LINC00632: variants seen among roughly 807,000 people sequenced by gnomAD.
The protein encoded by LINC00632 is ALDOA related specific transcript.
intron 2 of LINC00632, chrX:140,716,367 T>C (rs1930628789): frequency 9.0e-6 from 1 of 111,641 alleles, no homozygotes; most frequent in Non-Finnish European, 1.9e-5. Flanking sequence ...AAAGAGTTGT[T>C]GTGAGTAATA....
chrX:140,727,593 G>A (rs1002588821), intron 2 of LINC00632, among the ~76,000 whole-genome samples: 8 of 111,030 alleles, frequency 7.2e-5, no homozygotes, highest in African/African-American at 2.6e-4. Flanking sequence ...ACGCCCGACC[G>A]TGAACAATTT....
intron 3 of LINC00632, among the ~76,000 whole-genome samples, chrX:140,749,808 T>C (rs770952636): frequency 5.7e-4 from 63 of 110,464 alleles, no homozygotes; most frequent in Non-Finnish European, 5.7e-4. Context: ...GCTGCCTGAG[T>C]AATTGGGACC....
At chrX:140,778,388 C>T (rs1372954465) in exon 5 of LINC00632, among the ~76,000 whole-genome samples, 2 of 111,580 alleles carry the variant, frequency 1.8e-5, no homozygotes, top group Admixed American at 9.5e-5. Flanking sequence ...GGGCAGATCA[C>T]GAGGTCAAGA....
chrX:140,785,659 T>C (rs908186640), exon 5 of LINC00632, among the ~76,000 whole-genome samples: 1 of 112,185 alleles, frequency 8.9e-6, no homozygotes, highest in African/African-American at 3.2e-5. Context: ...GACCTGTATA[T>C]GGAAGTAGGT....
At chrX:140,746,254 A>C (rs1023393429) in intron 3 of LINC00632, among the ~76,000 whole-genome samples, 1 of 111,742 alleles carries the variant, frequency 8.9e-6, no homozygotes, top group African/African-American at 3.2e-5. Context: ...TTTTGTGGTG[A>C]AACATTTAAA....
chrX:140,747,492 T>C (rs1187049124), intron 3 of LINC00632, among the ~76,000 whole-genome samples: 1 of 97,619 alleles, frequency 1.0e-5, no homozygotes, highest in African/African-American at 3.7e-5. Context: ...ATCGCGCCAT[T>C]GCACTCCAGC....
intron 2 of LINC00632, among the ~76,000 whole-genome samples, chrX:140,720,191 A>G (rs1930705450): frequency 9.0e-6 from 1 of 111,238 alleles, no homozygotes; most frequent in Non-Finnish European, 1.9e-5. Context: ...CTTACAACAC[A>G]TGGAACTACA....
chrX:140,784,603 C>T (rs1294632931), exon 5 of LINC00632: 7 of 444,657 alleles, frequency 1.6e-5, no homozygotes, highest in East Asian at 3.8e-5. Context: ...TGTCTTCCAA[C>T]GTCTCCAGTG....
At chrX:140,753,965 G>A (rs1323745889) in intron 3 of LINC00632, among the ~76,000 whole-genome samples, 1 of 109,838 alleles carries the variant, frequency 9.1e-6, no homozygotes, top group African/African-American at 3.3e-5. Flanking sequence ...TAGTAGAGAT[G>A]GGGTTTCACC....
rs752596283 is a variant in LINC00632 at position 140,753,768 on chromosome X, C to CTTTTTTTTTTTTTTTT, written n.192-18300_192-18285dup. Among the ~76,000 whole-genome samples the CTTTTTTTTTTTTTTTT allele has an allele frequency of 2.6e-4, 13 of 49,727 alleles. 1 individual carries two copies. The highest frequency in any genetic ancestry group is 4.9e-4 in the African/African-American group (5 of 10,292). The allele number at this position is 49,727 out of a possible 115,157, so 43.2% of individuals were successfully genotyped here. On this transcript the variant is annotated intron_variant and non_coding_transcript_variant, in intron 3 of 4. Transcript: ENST00000648200. ...TTTCTTTTCTTTTCTTTCTTTCTTT[C>CTTTTTTTTTTTTTTTT]TTTTTTTTTTTTTTTTTTTTTTTTT...
At chrX:140,721,474 C>T (rs1267386182) in intron 2 of LINC00632, among the ~76,000 whole-genome samples, 1 of 111,284 alleles carries the variant, frequency 9.0e-6, no homozygotes, top group Non-Finnish European at 1.9e-5. Context: ...AAGGAGTGCA[C>T]AACCCTGATC....
intron 3 of LINC00632, among the ~76,000 whole-genome samples, chrX:140,771,687 T>A (rs866266693): frequency 0.041 from 1,978 of 48,318 alleles, 83 homozygotes; most frequent in Non-Finnish European, 0.062. Flanking sequence ...ATATATATAT[T>A]TTTTTTTTTT....
intron 2 of LINC00632, among the ~76,000 whole-genome samples, chrX:140,726,298 G>A (rs1271902286): frequency 4.5e-5 from 5 of 110,619 alleles, no homozygotes; most frequent in Non-Finnish European, 9.4e-5. Context: ...CCAACACATG[G>A]ACACACCCAA....
At chrX:140,753,243 A>G (rs1931436570) in intron 3 of LINC00632, among the ~76,000 whole-genome samples, 1 of 112,311 alleles carries the variant, frequency 8.9e-6, no homozygotes, top group Non-Finnish European at 1.9e-5. Flanking sequence ...AGTCTATGCT[A>G]CTAATTATCA....
chrX:140,719,378 G>T (rs897681136), intron 2 of LINC00632, among the ~76,000 whole-genome samples: 1 of 109,606 alleles, frequency 9.1e-6, no homozygotes, highest in African/African-American at 3.3e-5. Flanking sequence ...AGATCACTGC[G>T]ACCTCTGCCT....
At chrX:140,776,483 C>T (rs1362019801) in exon 5 of LINC00632, among the ~76,000 whole-genome samples, 1 of 113,072 alleles carries the variant, frequency 8.8e-6, no homozygotes, top group African/African-American at 3.2e-5. Context: ...GCGCGTCCGG[C>T]GCTGTCCCTC....
exon 5 of LINC00632, among the ~76,000 whole-genome samples, chrX:140,779,147 G>A (rs1199898435): frequency 9.0e-6 from 1 of 111,267 alleles, no homozygotes; most frequent in Non-Finnish European, 1.9e-5. Flanking sequence ...CACAGTTTGA[G>A]TGGAGAGAAC....
chrX:140,723,989 C>T (rs761482681), intron 2 of LINC00632, among the ~76,000 whole-genome samples: 5 of 12,435 alleles, frequency 4.0e-4, no homozygotes, highest in Non-Finnish European at 1.0e-3. Context: ...ACACACATTC[C>T]ATACACAGAC....
At chrX:140,785,450 A>C (rs1265252076) in exon 5 of LINC00632, among the ~76,000 whole-genome samples, 2 of 112,438 alleles carry the variant, frequency 1.8e-5, no homozygotes, top group African/African-American at 6.4e-5. Context: ...GTGAGAGTCC[A>C]TGATTGTAAC....
Sources: gnomAD v4.1 joint callset for allele counts (sites outside exome capture counted in the v4.1 genomes callset) on GRCh38, gnomAD v4.1.1 for gene constraint, MANE v1.5 for transcripts, NCBI Gene and HGNC (gene_info 2026-07-23, HGNC 2026-07-21) for gene names.